The following KLHL22 variants were observed in gnomAD, a reference collection of about 807,000 sequenced individuals.
The protein encoded by KLHL22 is kelch-like protein 22.
KLHL22 carries 18 observed loss-of-function variants against 60.7 expected under a neutral mutation model. That is an observed-to-expected ratio of 0.30 (90% CI 0.20 to 0.44). KLHL22 has a LOEUF of 0.44. KLHL22 is among the 20% of genes least tolerant of loss of function. The pLI is 1.00. For missense variants in KLHL22, 596 were observed against 852.3 expected, an observed-to-expected ratio of 0.70 and a Z score of 3.74; for synonymous variants, 355 against 354.5, an observed-to-expected ratio of 1.00 and a Z score of -0.01.
rs1402763786 is a variant in KLHL22, at chr22:20,478,086, T to C, written c.228-6571A>G. Among the ~76,000 whole-genome samples the C allele has an allele frequency of 2.6e-5, 4 of 152,118 alleles. No individual in the cohort carries two copies. The East Asian group carries it at 5.8e-4, about 22-fold the overall frequency. ...CTATACTTAACTTTCAACTTTTCTG[T>C]AGGATTTAAATATTTCAAAATAAAA... On this transcript the variant is annotated intron_variant, in intron 2 of 6. Transcript: ENST00000328879.
chr22:20,485,592 G>A (rs1292534227), intron 2 of KLHL22, among the ~76,000 whole-genome samples: 1 of 152,202 alleles, frequency 6.6e-6, no homozygotes, highest in Non-Finnish European at 1.5e-5. Flanking sequence ...AAGAGGCCAG[G>A]CATGGTGGCT....
Position 20,446,580 on chromosome 22 carries a change from G to T in KLHL22, c.1402C>A (p.Pro468Thr). ...AGTGTGTGCCAAGTGTTGCTGCCTG[G>T]ATCGTAGCAGTGTGTCTCTTTCAGG... Reference protein sequence around the residue: ...DYLKETHCYDPGSNTWHTLAD... With the variant: ...DYLKETHCYDTGSNTWHTLAD... The change falls in exon 6 of 7, where the codon CCA (proline) becomes ACA (threonine). Residue 468 changes from proline to threonine, a missense_variant. Physicochemically the swap from Pro to Thr is conservative, Grantham distance 38. Transcript: ENST00000328879. 1 of 1,613,952 alleles carries T rather than the reference G, an allele frequency of 6.2e-7. No individual in the cohort carries two copies. Among genetic ancestry groups the T allele is most frequent in the Non-Finnish European group, 8.5e-7 (1 of 1,180,020 alleles).
At chr22:20,464,345 G>A (rs1396589768) in intron 4 of KLHL22, among the ~76,000 whole-genome samples, 3 of 152,210 alleles carry the variant, frequency 2.0e-5, no homozygotes, top group Non-Finnish European at 2.9e-5. Flanking sequence ...GCTGAAGACC[G>A]CATGCTGCTC....
Position 20,471,356 on chromosome 22 carries a change from C to A in KLHL22, c.387G>T (p.Gln129His). ...NVQETLVAAC[Q>H]LQIPEIIHFC... is the part of the protein sequence containing the mutation. The stretch of plus-strand genomic sequence containing the variant: ...TAGATGAGACATGCCTCACCTGAAG[C>A]TGGCAGGCAGCCACCAGTGTCTCTT... Residue 129 changes from glutamine to histidine, a missense_variant, in exon 3 of 7, where the codon CAG (glutamine) becomes CAT (histidine). Transcript: ENST00000328879. The A allele has an allele frequency of 6.2e-7, 1 of 1,613,416 alleles. No individual in the cohort carries two copies. Among genetic ancestry groups the A allele is most frequent in the Non-Finnish European group, 8.5e-7 (1 of 1,179,568 alleles).
rs370292565 is a variant in KLHL22 at position 20,494,149 on chromosome 22, G to A, written c.-34+1611C>T. ...TGCCTGTAATCCCAGTGCCTTGGGA[G>A]GTCCAGGTAGGTGGAGTTCAAGACC... is the stretch of plus-strand genomic sequence containing the variant. On this transcript the variant is annotated intron_variant, in intron 1 of 6. Coordinates refer to ENST00000328879, the MANE Select transcript of KLHL22 (RefSeq NM_032775.4). 1.9e-4 allele frequency among the ~76,000 whole-genome samples: 29 copies of A among 152,086 alleles called. No homozygotes were observed. The South Asian group carries it at 5.2e-3, about 27-fold the overall frequency.
At chr22:20,448,909 G>A (rs1018138837) in intron 5 of KLHL22, among the ~76,000 whole-genome samples, 3 of 152,142 alleles carry the variant, frequency 2.0e-5, no homozygotes, top group Non-Finnish European at 2.9e-5. Context: ...TCATCCTGAG[G>A]TAGTTCTCTC....
Position 20,460,627 on chromosome 22 carries a change from A to C in KLHL22, c.1113-2627T>G, listed in dbSNP as rs1272580790. ...CCATCCCCCAAAAAAAAAAAAAAAA[A>C]AAAAAAAAAAAAAAAAAAAAGACAC... On this transcript the variant is annotated intron_variant, in intron 4 of 6. Coordinates refer to ENST00000328879, the MANE Select transcript of KLHL22 (RefSeq NM_032775.4). Among the ~76,000 whole-genome samples, 193 of 146,876 alleles carry C rather than the reference A, an allele frequency of 1.3e-3. 1 individual carries two copies. Among genetic ancestry groups the C allele is most frequent in the African/African-American group, 4.4e-3 (179 of 40,354 alleles).
At chr22:20,466,372 TAAAAAAAA>T (rs361874) in intron 3 of KLHL22, among the ~76,000 whole-genome samples, 11 of 70,604 alleles carry the variant, frequency 1.6e-4, no homozygotes, top group Admixed American at 3.7e-4. Context: ...AGACTCCGTC[TAAAAAAAA>T]AAAAAAAAAA....
rs778979195 is a variant in KLHL22 at position 20,442,140 on chromosome 22, G to A, written c.1838C>T (p.Pro613Leu). 1.8e-5 allele frequency: 27 copies of A among 1,539,030 alleles called. No homozygotes were observed. Among genetic ancestry groups the A allele is most frequent in the Middle Eastern group, 3.5e-4 (2 of 5,704 alleles). The change falls in exon 7 of 7, where the codon CCG becomes CTG. Residue 613 changes from proline (P) to leucine (L), a missense_variant. Pro to Leu is a moderately conservative substitution (Grantham distance 98, BLOSUM62 -3). Coordinates refer to ENST00000328879, the MANE Select transcript of KLHL22 (RefSeq NM_032775.4). Reference protein sequence around the residue: ...RGTPDRSQADPDFASEVMSVS... With the variant: ...RGTPDRSQADLDFASEVMSVS... The stretch of plus-strand genomic sequence containing the variant: ...ACTCATCACCTCAGAGGCAAAGTCC[G>A]GGTCGGCCTGGCTGCGGTCAGGGGT...
rs138742006 is a variant in KLHL22 at position 20,490,191 on chromosome 22, T to A, written c.-33-947A>T. 5.6e-3 allele frequency among the ~76,000 whole-genome samples: 854 copies of A among 152,322 alleles called. 2 individuals are homozygous for A. Among genetic ancestry groups the A allele is most frequent in the Admixed American group, 9.2e-3 (141 of 15,298 alleles). ...TGAACATCTGTCTTCTCCACCTCAC[T>A]TCATCCTACTTTCCTCTCCCCAAAA... is the stretch of plus-strand genomic sequence containing the variant. On this transcript the variant is annotated intron_variant, in intron 1 of 6. Coordinates refer to ENST00000328879, the MANE Select transcript of KLHL22 (RefSeq NM_032775.4).
At chr22:20,481,522 G>A (rs947862105) in intron 2 of KLHL22, among the ~76,000 whole-genome samples, 18 of 152,260 alleles carry the variant, frequency 1.2e-4, no homozygotes, top group African/African-American at 3.8e-4. Context: ...GCAGTGAGCA[G>A]GGATCATGCC....
chr22:20,450,576 A>G (rs1051362169), intron 5 of KLHL22: 1 of 1,609,566 alleles, frequency 6.2e-7, no homozygotes, highest in African/African-American at 1.3e-5. Context: ...TGACACAAGC[A>G]GCTGAGGTTT....
At chr22:20,482,675 C>T (rs534707477) in intron 2 of KLHL22, 6 of 540,146 alleles carry the variant, frequency 1.1e-5, no homozygotes, top group African/African-American at 1.9e-5. Flanking sequence ...CAGGTTCAAG[C>T]GGTACTTCTG....
chr22:20,488,481 A>G, intron 2 of KLHL22: 6 of 168,440 alleles, frequency 3.6e-5, no homozygotes, highest in Admixed American at 1.1e-4. Context: ...ATTCCAACCC[A>G]GTGGAAAAGA....
At chr22:20,470,525 A>G (rs984735822) in intron 3 of KLHL22, among the ~76,000 whole-genome samples, 1 of 152,082 alleles carries the variant, frequency 6.6e-6, no homozygotes, top group Admixed American at 6.5e-5. Flanking sequence ...GCACATGCCT[A>G]TAGGTCCTAG....
chr22:20,456,001 T>C (rs1347092183), intron 5 of KLHL22, among the ~76,000 whole-genome samples: 1 of 152,228 alleles, frequency 6.6e-6, no homozygotes, highest in Non-Finnish European at 1.5e-5. Context: ...TAAACTGCCT[T>C]ACACTTATCT....
chr22:20,480,277 G>A (rs4401303), intron 2 of KLHL22, among the ~76,000 whole-genome samples: 135,144 of 152,264 alleles, frequency 0.89, 60,188 homozygotes, highest in African/African-American at 0.95. Flanking sequence ...GATCTGTTTC[G>A]TAATAATGTG....
Position 20,470,815 on chromosome 22 carries a change from GATGGATGGATGGATGCATGCATGC to G in KLHL22, c.393+511_393+534del, listed in dbSNP as rs2053311866. ...GGATGGATGGATGGATGGATGGATGGATGGATGGATGGATGCATGCATGCATGGATGGATGGATGGATGCGTGCA... is the reference window on the plus strand; with the variant it reads ...GGATGGATGGATGGATGGATGGATGGATGGATGGATGGATGGATGCGTGCA... On this transcript the variant is annotated intron_variant, in intron 3 of 6. Transcript: ENST00000328879. 2.1e-5 allele frequency among the ~76,000 whole-genome samples: 3 copies of G among 144,734 alleles called. 1 individual carries two copies. The highest frequency in any genetic ancestry group is 4.2e-4 in the South Asian group (2 of 4,798). The allele number at this position is 144,734 out of a possible 152,430, so 95.0% of individuals were successfully genotyped here. A position where few individuals can be genotyped will look rare whatever the true frequency, so the allele number is the denominator to read the frequency against.
chr22:20,449,301 C>G (rs1244715730), intron 5 of KLHL22, among the ~76,000 whole-genome samples: 1 of 152,146 alleles, frequency 6.6e-6, no homozygotes, highest in Non-Finnish European at 1.5e-5. Flanking sequence ...ACCTCGTGAT[C>G]CACCCACCTT....
Sources: allele counts gnomAD v4.1 joint callset (sites outside exome capture counted in the v4.1 genomes callset), GRCh38; gene constraint gnomAD v4.1.1; transcripts MANE v1.5; gene names NCBI Gene and HGNC (gene_info 2026-07-23, HGNC 2026-07-21).